GPC6: variants seen among roughly 807,000 people sequenced by gnomAD.
GPC6 encodes the protein glypican-6.
Under a neutral mutation model 55.2 loss-of-function variants are expected in GPC6, and 14 were observed. The ratio of observed to expected loss-of-function variants is 0.25; its 90% CI spans 0.17 to 0.40. GPC6 has a LOEUF of 0.40. Ranked by LOEUF, GPC6 falls within the 10% of genes least tolerant of loss-of-function variation. The pLI is 1.00. For synonymous variants in GPC6, 278 were observed against 259.6 expected, an observed-to-expected ratio of 1.07 and a Z score of -0.68; for missense variants, 641 against 708.5, an observed-to-expected ratio of 0.90 and a Z score of 1.08.
intron 2 of GPC6, among the ~76,000 whole-genome samples, chr13:93,725,394 T>G (rs1181633017): frequency 6.6e-6 from 1 of 152,098 alleles, no homozygotes; most frequent in East Asian, 1.9e-4. Context: ...CCACTTATGA[T>G]GAAACTCCCT....
intron 4 of GPC6, among the ~76,000 whole-genome samples, chr13:94,046,261 T>C (rs1192829372): frequency 6.6e-6 from 1 of 152,104 alleles, no homozygotes; most frequent in African/African-American, 2.4e-5. Flanking sequence ...TTCTTTCAAC[T>C]TGGTTCTAAA....
At chr13:93,723,061 A>C (rs1392161974) in intron 2 of GPC6, among the ~76,000 whole-genome samples, 1 of 152,012 alleles carries the variant, frequency 6.6e-6, no homozygotes, top group African/African-American at 2.4e-5. Flanking sequence ...AATACCATTC[A>C]ACCCATAACA....
At chr13:93,703,482 A>C (rs1882742834) in intron 2 of GPC6, among the ~76,000 whole-genome samples, 1 of 152,010 alleles carries the variant, frequency 6.6e-6, no homozygotes, top group African/African-American at 2.4e-5. Flanking sequence ...TTTCTTGACA[A>C]AAGCTTGCCA....
chr13:93,949,388 G>A (rs1879151157), intron 3 of GPC6, among the ~76,000 whole-genome samples: 1 of 152,160 alleles, frequency 6.6e-6, no homozygotes, highest in African/African-American at 2.4e-5. Context: ...GTTTCTGTGT[G>A]TGTGTTTAAT....
intron 1 of GPC6, among the ~76,000 whole-genome samples, chr13:93,501,512 G>A (rs547238658): frequency 6.6e-6 from 1 of 152,246 alleles, no homozygotes; most frequent in East Asian, 1.9e-4. Context: ...ATGAGTAATA[G>A]TTTTTTGTTT....
chr13:93,893,775 T>A (rs1343363055), intron 3 of GPC6, among the ~76,000 whole-genome samples: 2 of 152,228 alleles, frequency 1.3e-5, no homozygotes, highest in Non-Finnish European at 2.9e-5. Flanking sequence ...CTATTGAGAT[T>A]CGGTTGTCAT....
intron 4 of GPC6, among the ~76,000 whole-genome samples, chr13:94,107,072 A>G (rs1347955269): frequency 6.6e-6 from 1 of 152,132 alleles, no homozygotes; most frequent in Non-Finnish European, 1.5e-5. Context: ...GAAAGGAGCA[A>G]AAAAAGACGC....
At chr13:94,030,207 C>T (rs544045382) in intron 4 of GPC6, among the ~76,000 whole-genome samples, 1 of 152,212 alleles carries the variant, frequency 6.6e-6, no homozygotes, top group Admixed American at 6.5e-5. Context: ...GACGGGTTTT[C>T]ACCGTGTTAG....
chr13:93,647,607 G>C (rs1234355019), intron 2 of GPC6, among the ~76,000 whole-genome samples: 1 of 152,108 alleles, frequency 6.6e-6, no homozygotes, highest in South Asian at 2.1e-4. Flanking sequence ...TGAGGCCTGG[G>C]TCATCCCTTT....
In GPC6 at chr13:94,277,142, G is replaced by T. The variant is rs377749630; in HGVS notation, c.878-9207G>T. On this transcript the variant is annotated intron_variant, in intron 4 of 8. Coordinates refer to ENST00000377047, the MANE Select transcript of GPC6 (RefSeq NM_005708.5). ...GCAATTGTCATTCTGACTGGCGTCA[G>T]ATGGTATCTCACTGTGGTTTTGATT... Among the ~76,000 whole-genome samples the T allele has an allele frequency of 6.6e-5, 10 of 152,342 alleles. No individual in the cohort carries two copies. In the East Asian group the frequency reaches 1.5e-3, roughly 24 times the overall value.
chr13:93,863,877 G>T (rs1888886415), intron 3 of GPC6, among the ~76,000 whole-genome samples: 1 of 151,674 alleles, frequency 6.6e-6, no homozygotes, highest in African/African-American at 2.4e-5. Context: ...CAGTCTGCTG[G>T]ATTTATCAGG....
intron 2 of GPC6, among the ~76,000 whole-genome samples, chr13:93,580,867 T>C (rs1876903225): frequency 6.6e-6 from 1 of 152,214 alleles, no homozygotes; most frequent in East Asian, 1.9e-4. Context: ...CCAGCATCTA[T>C]TGCATAACAT....
At chr13:94,336,036 G>C (rs1004768266) in intron 6 of GPC6, among the ~76,000 whole-genome samples, 1 of 151,962 alleles carries the variant, frequency 6.6e-6, no homozygotes, top group Non-Finnish European at 1.5e-5. Context: ...TTCTTATGTA[G>C]ATTGGAGAGT....
intron 3 of GPC6, among the ~76,000 whole-genome samples, chr13:94,027,480 G>A (rs1882945265): frequency 6.6e-6 from 1 of 151,842 alleles, no homozygotes; most frequent in African/African-American, 2.4e-5. Flanking sequence ...ATCTTCTATG[G>A]CAATGAAACA....
chr13:94,147,375 G>C (rs1340087604), intron 4 of GPC6, among the ~76,000 whole-genome samples: 1 of 152,130 alleles, frequency 6.6e-6, no homozygotes, highest in African/African-American at 2.4e-5. Context: ...ATTACAGGAT[G>C]TTAGGCTCTA....
At chr13:93,783,397 CTGT>C (rs1885718027) in intron 2 of GPC6, among the ~76,000 whole-genome samples, 1 of 18,830 alleles carries the variant, frequency 5.3e-5, no homozygotes. Context: ...AATCACCACA[CTGT>C]CCACACTGTC....
intron 4 of GPC6, among the ~76,000 whole-genome samples, chr13:94,142,413 A>G (rs1013414224): frequency 6.6e-6 from 1 of 152,234 alleles, no homozygotes; most frequent in Non-Finnish European, 1.5e-5. Flanking sequence ...TGAAAATAGT[A>G]TACGTTCTAG....
intron 4 of GPC6, among the ~76,000 whole-genome samples, chr13:94,222,191 C>A (rs917545554): frequency 5.9e-5 from 9 of 152,092 alleles, no homozygotes; most frequent in African/African-American, 1.9e-4. Flanking sequence ...GAGCCTCATT[C>A]ATGTTTTGGG....
intron 2 of GPC6, among the ~76,000 whole-genome samples, chr13:93,799,003 A>G (rs1297459453): frequency 3.3e-5 from 5 of 152,164 alleles, no homozygotes; most frequent in Non-Finnish European, 7.4e-5. Flanking sequence ...ACAAAAGTTA[A>G]AAAGCTACAT....
Sources: allele counts gnomAD v4.1 joint callset (sites outside exome capture counted in the v4.1 genomes callset), GRCh38; gene constraint gnomAD v4.1.1; transcripts MANE v1.5; gene names NCBI Gene and HGNC (gene_info 2026-07-23, HGNC 2026-07-21).